NTN1: variants seen among roughly 807,000 people sequenced by gnomAD.
NTN1 encodes the protein netrin 1.
Under a neutral mutation model 54.2 loss-of-function variants are expected in NTN1, and 11 were observed. The ratio of observed to expected loss-of-function variants is 0.20; its 90% confidence interval spans 0.13 to 0.34. NTN1 has a LOEUF of 0.34. NTN1 is among the 10% of genes least tolerant of loss of function. The probability of loss-of-function intolerance (pLI) is 1.00; values close to 1 mark genes in which losing one functional copy is unlikely to be tolerated. For missense variants in NTN1, 740 were observed against 893.1 expected, an observed-to-expected ratio of 0.83 and a Z score of 2.18; for synonymous variants, 371 against 382.0, an observed-to-expected ratio of 0.97 and a Z score of 0.33.
the NTN1 span, among the ~76,000 whole-genome samples, chr17:9,003,430 T>G: frequency 6.6e-6 from 1 of 151,296 alleles, no homozygotes; most frequent in East Asian, 1.9e-4. The surrounding 1 kb of genome is among the most constrained non-coding windows in gnomAD (Gnocchi z 7.4). Flanking sequence ...CCTGCGCACT[T>G]GGCGCGCTCT....
rs1335229736 is a variant in NTN1, at chr17:9,093,923, G to A, written c.1019-68890G>A. The stretch of plus-strand genomic sequence containing the variant: ...TGGGAGGCAGAGGTTGCAGTGAGAC[G>A]AGATTGTGGCACTGCACTCCAGCCT... On this transcript the variant is annotated intron_variant, in intron 2 of 6. Coordinates refer to ENST00000173229, the MANE Select transcript of NTN1 (RefSeq NM_004822.3). Among the ~76,000 whole-genome samples the A allele has an allele frequency of 3.9e-5, 6 of 152,188 alleles. No individual in the cohort carries two copies. In the East Asian group the frequency reaches 9.7e-4, roughly 25 times the overall value.
intron 6 of NTN1, among the ~76,000 whole-genome samples, chr17:9,234,745 C>T (rs56366919): frequency 0.24 from 36,337 of 152,136 alleles, 4,453 homozygotes; most frequent in Middle Eastern, 0.34. Flanking sequence ...GACTCTGGGA[C>T]GCAGCCGTTG....
rs533776105 is a variant in NTN1, at chr17:9,165,647, G to A, written c.1207+2646G>A. Reference sequence around the variant, plus strand: ...TACTGAAGAAATGTGGCAGGAAAGGGTGGGACTCTTAGTGCCTGTTGACTG... The same window carrying A: ...TACTGAAGAAATGTGGCAGGAAAGGATGGGACTCTTAGTGCCTGTTGACTG... On this transcript the variant is annotated intron_variant, in intron 3 of 6. Transcript: ENST00000173229. This position sits in a 1 kb window ranked among gnomAD's most constrained non-coding sequence, Gnocchi z 4.5. Among the ~76,000 whole-genome samples the A allele has an allele frequency of 1.3e-5, 2 of 152,326 alleles. No individual in the cohort carries two copies. The highest frequency in any genetic ancestry group is 3.9e-4 in the East Asian group (2 of 5,182).
chr17:9,214,882 G>T (rs1359091585), intron 5 of NTN1, among the ~76,000 whole-genome samples: 4 of 152,134 alleles, frequency 2.6e-5, no homozygotes, highest in African/African-American at 9.7e-5. Flanking sequence ...TTTAAATTCA[G>T]TTTTTCAGTA....
chr17:9,028,681 T>A (rs563445686), intron 2 of NTN1, among the ~76,000 whole-genome samples: 83 of 152,242 alleles, frequency 5.5e-4, no homozygotes, highest in Non-Finnish European at 2.2e-4. Context: ...GTGTCGATAT[T>A]TCCTTCTTGA....
intron 3 of NTN1, among the ~76,000 whole-genome samples, chr17:9,167,543 T>C (rs558776362): frequency 6.6e-6 from 1 of 152,262 alleles, no homozygotes; most frequent in South Asian, 2.1e-4. Flanking sequence ...CCTGTTTCCT[T>C]CTCTCATTGT....
chr17:9,071,036 A>G (rs1015695600), intron 2 of NTN1, among the ~76,000 whole-genome samples: 2 of 152,066 alleles, frequency 1.3e-5, no homozygotes, highest in African/African-American at 4.8e-5. Context: ...TTGCTTCCAC[A>G]GAGCCTCTCT....
At chr17:9,125,699 G>T (rs1457921242) in intron 2 of NTN1, among the ~76,000 whole-genome samples, 1 of 152,022 alleles carries the variant, frequency 6.6e-6, no homozygotes, top group African/African-American at 2.4e-5. Context: ...TCAAACTCCT[G>T]GGCTGAAGCA....
At chr17:9,006,386 C>A in the NTN1 span, among the ~76,000 whole-genome samples, 3 of 152,286 alleles carry the variant, frequency 2.0e-5, no homozygotes, top group South Asian at 2.1e-4. Flanking sequence ...AAAATCAGAT[C>A]TTCGCTGAGG....
chr17:9,051,210 A>C (rs1031925357), intron 2 of NTN1, among the ~76,000 whole-genome samples: 1 of 152,226 alleles, frequency 6.6e-6, no homozygotes, highest in Non-Finnish European at 1.5e-5. Context: ...TGCAGACACA[A>C]AAGAAGGCTC....
At chr17:9,162,704 T>C in intron 2 of NTN1, 109 bp from the exon 3 acceptor site, 1 of 1,029,772 alleles carries the variant, frequency 9.7e-7, no homozygotes, top group Non-Finnish European at 1.4e-6. Flanking sequence ...TGCCTGGCTC[T>C]GCTAGTGGAG....
chr17:9,158,574 GTCTTT>G, intron 2 of NTN1, among the ~76,000 whole-genome samples: 1 of 152,304 alleles, frequency 6.6e-6, no homozygotes, highest in African/African-American at 2.4e-5. Context: ...AGTGATAGGG[GTCTTT>G]TCCTCTGAGC....
intron 2 of NTN1, among the ~76,000 whole-genome samples, chr17:9,116,169 C>A (rs1047904177): frequency 6.6e-6 from 1 of 152,226 alleles, no homozygotes; most frequent in Non-Finnish European, 1.5e-5. Flanking sequence ...AGACCCTTGT[C>A]CACAGAGGCG....
chr17:9,221,039 GC>G lies in NTN1; in HGVS notation c.1412-126del. The G allele has an allele frequency of 1.3e-6, 1 of 751,742 alleles. No individual in the cohort carries two copies. The highest frequency in any genetic ancestry group is 1.5e-5 in the South Asian group (1 of 65,538). The allele number at this position is 751,742 out of a possible 1,614,324, so 46.6% of individuals were successfully genotyped here. ...GCCTTTCCTGAATGGCCGCCTGCCC[GC>G]CCGGCCTGGCCCATGGGTATCACAG... is the stretch of plus-strand genomic sequence containing the variant. On this transcript the variant is annotated intron_variant, in intron 5 of 6. Transcript: ENST00000173229. This position sits in a 1 kb window ranked among gnomAD's most constrained non-coding sequence, Gnocchi z 4.5.
chr17:9,027,408 G>T (rs1465686902), intron 2 of NTN1, among the ~76,000 whole-genome samples: 3 of 152,098 alleles, frequency 2.0e-5, no homozygotes, highest in Admixed American at 6.5e-5. Context: ...ACATTAGATG[G>T]TTTACCCTAA....
At chr17:9,142,934 A>G (rs1259522660) in intron 2 of NTN1, among the ~76,000 whole-genome samples, 1 of 152,244 alleles carries the variant, frequency 6.6e-6, no homozygotes. Flanking sequence ...CAATATTTAA[A>G]GTACACATAC....
intron 2 of NTN1, among the ~76,000 whole-genome samples, chr17:9,133,549 C>T (rs554810879): frequency 1.6e-4 from 24 of 151,402 alleles, no homozygotes; most frequent in African/African-American, 5.1e-4. Flanking sequence ...GCAAGTTGGC[C>T]GTGGTCTTCC....
chr17:9,138,287 C>A (rs2092287219), intron 2 of NTN1, among the ~76,000 whole-genome samples: 1 of 152,162 alleles, frequency 6.6e-6, no homozygotes. Flanking sequence ...CGCCCCAGGC[C>A]TAGGAAGCTC....
chr17:9,164,388 G>T (rs538264296), intron 3 of NTN1, among the ~76,000 whole-genome samples: 1 of 150,640 alleles, frequency 6.6e-6, no homozygotes, highest in South Asian at 2.1e-4. Flanking sequence ...TCGCGCCACC[G>T]CACTCCAGCC....
Sources: allele counts gnomAD v4.1 joint callset (sites outside exome capture counted in the v4.1 genomes callset), GRCh38; gene constraint gnomAD v4.1.1; non-coding constraint Gnocchi (gnomAD v3.1); transcripts MANE v1.5; gene names NCBI Gene and HGNC (gene_info 2026-07-23, HGNC 2026-07-21).